Variants in DISP1 observed in about 807,000 individuals in gnomAD.
DISP1 encodes the protein protein dispatched homolog 1.
A neutral mutation model predicts 37.3 loss-of-function variants in DISP1; 30 were observed. The observed-to-expected ratio is 0.80, with a 90% CI of 0.60 to 1.09. The LOEUF (loss-of-function observed/expected upper bound fraction) is 1.09. Ranked by LOEUF, DISP1 falls within the 50% of genes least tolerant of loss-of-function variation. DISP1 has a pLI of 0.00. For synonymous variants in DISP1, 634 were observed against 690.2 expected (o/e 0.92, Z 1.28); for missense variants, 1,598 against 1,879.5 (o/e 0.85, Z 2.77).
intron 3 of DISP1, among the ~76,000 whole-genome samples, chr1:222,954,092 A>G (rs778089218): frequency 6.6e-6 from 1 of 151,998 alleles, no homozygotes. Flanking sequence ...TTGGTTAAAA[A>G]AAAAATTCAA....
At chr1:222,835,328 A>G (rs1013798217) in intron 1 of DISP1, 3 of 152,224 alleles carry the variant, frequency 2.0e-5, no homozygotes, top group African/African-American at 4.8e-5. Flanking sequence ...CATTCAGACT[A>G]TAGAACATCC....
chr1:222,854,480 A>G (rs1376969048), intron 1 of DISP1, among the ~76,000 whole-genome samples: 2 of 152,092 alleles, frequency 1.3e-5, no homozygotes, highest in Non-Finnish European at 1.5e-5. Context: ...CCATGATCCA[A>G]TTACTTCCAC....
chr1:222,942,432 CATG>C (rs1227850986), intron 2 of DISP1, among the ~76,000 whole-genome samples: 1 of 152,044 alleles, frequency 6.6e-6, no homozygotes, highest in East Asian at 1.9e-4. Context: ...ATAAGCCAAC[CATG>C]ATATTGTTGA....
chr1:222,983,172 T>C (rs1395401087), intron 4 of DISP1, 63 bp downstream of exon 4: 6 of 1,237,374 alleles, frequency 4.8e-6, no homozygotes, highest in Non-Finnish European at 7.1e-6. Context: ...TCCAGTCTAG[T>C]ATTTTCTCCG....
At chr1:222,952,869 C>CA (rs1443258688) in intron 3 of DISP1, among the ~76,000 whole-genome samples, 1 of 151,984 alleles carries the variant, frequency 6.6e-6, no homozygotes, top group Non-Finnish European at 1.5e-5. Flanking sequence ...AACAAACAAA[C>CA]AAAAAATCTG....
intron 1 of DISP1, among the ~76,000 whole-genome samples, chr1:222,853,603 G>A (rs967902749): frequency 6.6e-6 from 1 of 152,144 alleles, no homozygotes; most frequent in African/African-American, 2.4e-5. Flanking sequence ...CATGGATGGA[G>A]CTGGAGGACA....
chr1:222,915,296 G>A (rs1292517366), intron 1 of DISP1, among the ~76,000 whole-genome samples: 3 of 152,176 alleles, frequency 2.0e-5, no homozygotes, highest in Non-Finnish European at 4.4e-5. Flanking sequence ...TGAGCTTGAC[G>A]CTTGATGCTG....
intron 1 of DISP1, among the ~76,000 whole-genome samples, chr1:222,894,250 A>G (rs532327782): frequency 3.0e-4 from 46 of 152,258 alleles, no homozygotes; most frequent in South Asian, 2.3e-3. Flanking sequence ...GGGCTTCACC[A>G]GGGACCTACC....
At chr1:222,966,869 A>C (rs1676533611) in intron 3 of DISP1, among the ~76,000 whole-genome samples, 1 of 151,540 alleles carries the variant, frequency 6.6e-6, no homozygotes, top group African/African-American at 2.4e-5. Flanking sequence ...AACTCCCCCC[A>C]CCACCAATCT....
intron 1 of DISP1, among the ~76,000 whole-genome samples, chr1:222,867,454 TC>T (rs1669260780): frequency 6.6e-6 from 1 of 152,200 alleles, no homozygotes; most frequent in Admixed American, 6.5e-5. Context: ...AAATATTTTT[TC>T]TTTTAATATT....
At chr1:222,840,368 A>G (rs956628311) in intron 1 of DISP1, among the ~76,000 whole-genome samples, 2 of 151,726 alleles carry the variant, frequency 1.3e-5, no homozygotes, top group Non-Finnish European at 2.9e-5. Flanking sequence ...TAGCCTCCCA[A>G]GTAGCTGGGA....
intron 1 of DISP1, among the ~76,000 whole-genome samples, chr1:222,876,956 T>A (rs746569815): frequency 1.6e-4 from 24 of 152,228 alleles, no homozygotes; most frequent in Non-Finnish European, 2.9e-4. Flanking sequence ...CTCTTTATCT[T>A]ATGTTTGAAA....
chr1:222,906,644 T>C (rs1572478810), intron 1 of DISP1, among the ~76,000 whole-genome samples: 1 of 152,182 alleles, frequency 6.6e-6, no homozygotes, highest in Non-Finnish European at 1.5e-5. Flanking sequence ...AGTTTACAAA[T>C]GCCATGGCAA....
At chr1:222,915,452 T>C (rs570783834) in intron 1 of DISP1, among the ~76,000 whole-genome samples, 80 of 152,296 alleles carry the variant, frequency 5.3e-4, no homozygotes, top group East Asian at 4.4e-3. Flanking sequence ...TTCAGTGTGA[T>C]TGAGGGCTGT....
intron 2 of DISP1, among the ~76,000 whole-genome samples, chr1:222,929,528 A>G (rs1479218281): frequency 2.0e-5 from 3 of 152,110 alleles, no homozygotes; most frequent in Non-Finnish European, 4.4e-5. Flanking sequence ...TGTTGAACGA[A>G]GAAGAAGGAA....
chr1:222,937,146 G>A (rs1673995857), intron 2 of DISP1, among the ~76,000 whole-genome samples: 1 of 146,090 alleles, frequency 6.8e-6, no homozygotes, highest in Admixed American at 7.2e-5. Context: ...CTGGAGTGCA[G>A]TGGCGTGATC....
chr1:222,864,418 CTT>C (rs1669060389), intron 1 of DISP1, among the ~76,000 whole-genome samples: 1 of 151,950 alleles, frequency 6.6e-6, no homozygotes, highest in Admixed American at 6.6e-5. Flanking sequence ...AAATAGCTCT[CTT>C]CTTACCATTT....
At chr1:222,984,981 T>C (rs1428438376) in intron 4 of DISP1, among the ~76,000 whole-genome samples, 1 of 152,242 alleles carries the variant, frequency 6.6e-6, no homozygotes. Context: ...TTTGTAAGGC[T>C]GAATAATATT....
At chr1:222,885,492 A>C (rs1670542475) in intron 1 of DISP1, among the ~76,000 whole-genome samples, 1 of 146,230 alleles carries the variant, frequency 6.8e-6, no homozygotes, top group African/African-American at 2.5e-5. Flanking sequence ...TTTTTGAGAC[A>C]AGATCTCGCT....
Sources: allele counts gnomAD v4.1 joint callset (sites outside exome capture counted in the v4.1 genomes callset), GRCh38; gene constraint gnomAD v4.1.1; transcripts MANE v1.5; gene names NCBI Gene and HGNC (gene_info 2026-07-23, HGNC 2026-07-21).